Variants in GTF2I observed in about 807,000 individuals in gnomAD.
GTF2I encodes the protein general transcription factor II-I.
GTF2I carries 12 observed loss-of-function variants against 67.6 expected under a neutral mutation model. That is an observed-to-expected ratio of 0.18 (90% CI 0.11 to 0.29). GTF2I has a LOEUF of 0.29. Among genes scored for constraint, GTF2I ranks in the 10% least tolerant of loss-of-function variants. GTF2I has a pLI of 1.00. For missense variants in GTF2I, 271 were observed against 580.1 expected, an observed-to-expected ratio of 0.47 and a Z score of 5.47; for synonymous variants, 149 against 197.0, an observed-to-expected ratio of 0.76 and a Z score of 2.04.
intron 3 of GTF2I, among the ~76,000 whole-genome samples, chr7:74,698,698 C>T (rs1355605110): frequency 6.6e-6 from 1 of 152,000 alleles, no homozygotes; most frequent in African/African-American, 2.4e-5. Flanking sequence ...AGGCGTGAGC[C>T]CTTGGGCTTG....
At chr7:74,663,380 G>A (rs1466953821) in intron 1 of GTF2I, among the ~76,000 whole-genome samples, 1 of 152,050 alleles carries the variant, frequency 6.6e-6, no homozygotes, top group Non-Finnish European at 1.5e-5. Flanking sequence ...CCGATTCCCG[G>A]GCTCAAGCGA....
chr7:74,700,794 A>G (rs1789618982), intron 6 of GTF2I, among the ~76,000 whole-genome samples, 160 bp downstream of exon 6: 1 of 152,228 alleles, frequency 6.6e-6, no homozygotes, highest in Admixed American at 6.5e-5. Context: ...AGGTTCATTG[A>G]GCTAAAAAAG....
At position 74,700,643 on chromosome 7, in the gene GTF2I, G is replaced by A. The variant is rs1584189334; in HGVS notation, c.586+9G>A. 1 of 1,613,178 alleles carries A rather than the reference G, an allele frequency of 6.2e-7. No individual in the cohort carries two copies. Among genetic ancestry groups the A allele is most frequent in the Admixed American group, 1.7e-5 (1 of 60,010 alleles). On this transcript the variant is annotated intron_variant, in intron 6 of 34. Transcript: ENST00000573035. The stretch of plus-strand genomic sequence containing the variant: ...GCCAAAGAAGCATGTAGGTAAGTAA[G>A]TGCTTTGCTTCCTTGATAGCTGGCT...
intron 10 of GTF2I, chr7:74,716,539 T>G (rs1332141570): frequency 5.4e-6 from 1 of 185,128 alleles, no homozygotes; most frequent in Non-Finnish European, 1.1e-5. Context: ...CTGATCTGTT[T>G]GTGTATGTGT....
intron 10 of GTF2I, 81 bp downstream of exon 10, chr7:74,714,997 T>C (rs587686101): frequency 1.2e-6 from 1 of 801,484 alleles, no homozygotes; most frequent in African/African-American, 1.8e-5. Flanking sequence ...TGTTTTAATA[T>C]TTATAAGTAC....
At chr7:74,720,144 A>C (rs1792757284) in intron 12 of GTF2I, among the ~76,000 whole-genome samples, 1 of 152,224 alleles carries the variant, frequency 6.6e-6, no homozygotes, top group Non-Finnish European at 1.5e-5. Flanking sequence ...TTGATGCGAA[A>C]ATACACAGAT....
At chr7:74,697,768 C>T (rs1455396585) in intron 3 of GTF2I, among the ~76,000 whole-genome samples, 3 of 151,866 alleles carry the variant, frequency 2.0e-5, no homozygotes, top group Non-Finnish European at 2.9e-5. Flanking sequence ...ATCTCCCTGC[C>T]TTTTATTTTT....
chr7:74,662,448 G>C (rs1298079211), intron 1 of GTF2I, among the ~76,000 whole-genome samples: 1 of 144,500 alleles, frequency 6.9e-6, no homozygotes, highest in South Asian at 2.3e-4. Flanking sequence ...GACCTCAGGT[G>C]ATCCGCCTGC....
intron 1 of GTF2I, among the ~76,000 whole-genome samples, chr7:74,670,620 A>G (rs1296890138): frequency 6.6e-6 from 1 of 151,244 alleles, no homozygotes; most frequent in East Asian, 1.9e-4. Context: ...AACCTGGGAG[A>G]CGGAGGTTGC....
intron 1 of GTF2I, among the ~76,000 whole-genome samples, chr7:74,668,696 C>A (rs1485893858): frequency 1.3e-4 from 19 of 151,958 alleles, no homozygotes; most frequent in Non-Finnish European, 7.4e-5. Flanking sequence ...GCCTCAGCCA[C>A]CTGAGTAGCT....
At chr7:74,707,668 C>T (rs1389598612) in intron 8 of GTF2I, among the ~76,000 whole-genome samples, 1 of 152,042 alleles carries the variant, frequency 6.6e-6, no homozygotes, top group Non-Finnish European at 1.5e-5. Flanking sequence ...TATTTTCACT[C>T]CATAGGAAAT....
chr7:74,738,260 T>TA, intron 19 of GTF2I, 157 bp downstream of exon 19: 1 of 94,550 alleles, frequency 1.1e-5, no homozygotes. Context: ...CCATGTCTAC[T>TA]AAAATACAAA....
At chr7:74,715,470 A>C (rs1792143444) in intron 10 of GTF2I, among the ~76,000 whole-genome samples, 2 of 152,050 alleles carry the variant, frequency 1.3e-5, no homozygotes, top group South Asian at 4.1e-4. Context: ...TGTTTATTTC[A>C]GATTTTAAAA....
intron 20 of GTF2I, 199 bp downstream of exon 20, chr7:74,743,719 T>TA: frequency 2.2e-6 from 1 of 459,236 alleles, no homozygotes; most frequent in South Asian, 2.1e-5. Flanking sequence ...CCGTCTCTAC[T>TA]AAAAATACAG....
intron 26 of GTF2I, among the ~76,000 whole-genome samples, chr7:74,749,904 A>C (rs1795693921): frequency 6.7e-6 from 1 of 150,246 alleles, no homozygotes; most frequent in African/African-American, 2.4e-5. Context: ...CAAAAAAAAA[A>C]AAAAAAAAGA....
intron 14 of GTF2I, among the ~76,000 whole-genome samples, chr7:74,730,591 T>A (rs1794368176): frequency 6.7e-6 from 1 of 149,662 alleles, no homozygotes; most frequent in Admixed American, 6.7e-5. Flanking sequence ...TTTACATATT[T>A]ATTACAAAGC....
At chr7:74,685,805 G>A (rs1284413458) in intron 1 of GTF2I, among the ~76,000 whole-genome samples, 3 of 151,892 alleles carry the variant, frequency 2.0e-5, no homozygotes, top group African/African-American at 4.8e-5. Flanking sequence ...GATGGCTCAC[G>A]CCGGTAATCC....
chr7:74,722,420 A>G (rs1368473397), intron 12 of GTF2I, among the ~76,000 whole-genome samples: 19 of 152,194 alleles, frequency 1.2e-4, no homozygotes, highest in Non-Finnish European at 2.9e-5. Context: ...ATGTGTGCAG[A>G]GAAAACCTTA....
intron 1 of GTF2I, among the ~76,000 whole-genome samples, chr7:74,671,319 T>A (rs1805432543): frequency 1.3e-5 from 2 of 152,038 alleles, no homozygotes; most frequent in South Asian, 4.1e-4. Context: ...ACTCCTGACC[T>A]CAGGTGATTT....
Sources: gnomAD v4.1 joint callset for allele counts (sites outside exome capture counted in the v4.1 genomes callset) on GRCh38, gnomAD v4.1.1 for gene constraint, MANE v1.5 for transcripts, NCBI Gene and HGNC (gene_info 2026-07-23, HGNC 2026-07-21) for gene names.